The following HCN1 variants were observed in gnomAD, a reference collection of about 807,000 sequenced individuals.
HCN1 encodes potassium/sodium hyperpolarization-activated cyclic nucleotide-gated channel 1.
HCN1 carries 13 observed loss-of-function variants against 78.9 expected under a neutral mutation model. That is an observed-to-expected ratio of 0.16 (90% confidence interval 0.11 to 0.26). HCN1 has a LOEUF of 0.26. HCN1 is among the 10% of genes least tolerant of loss of function. HCN1 has a pLI of 1.00. For synonymous variants in HCN1, 552 were observed against 455.5 expected (o/e 1.21, Z -2.70); for missense variants, 810 against 1,154.3 (o/e 0.70, Z 4.32).
intron 2 of HCN1, among the ~76,000 whole-genome samples, chr5:45,509,791 A>G (rs1742375079): frequency 6.6e-6 from 1 of 152,142 alleles, no homozygotes; most frequent in Non-Finnish European, 1.5e-5. Context: ...AATATCATTG[A>G]AATACATTTT....
chr5:45,578,342 G>A (rs1217013001), intron 2 of HCN1, among the ~76,000 whole-genome samples: 2 of 151,900 alleles, frequency 1.3e-5, no homozygotes, highest in African/African-American at 4.8e-5. Context: ...AATATGAACT[G>A]GCATTAGATT....
At chr5:45,420,965 T>G (rs993569786) in intron 3 of HCN1, among the ~76,000 whole-genome samples, 12 of 152,184 alleles carry the variant, frequency 7.9e-5, no homozygotes, top group African/African-American at 2.9e-4. Context: ...CAAGAGAAAC[T>G]CCTGCACAAT....
intron 2 of HCN1, among the ~76,000 whole-genome samples, chr5:45,550,484 C>T (rs563329212): frequency 3.9e-5 from 6 of 152,022 alleles, no homozygotes; most frequent in Non-Finnish European, 2.9e-5. Context: ...CATCACACAC[C>T]GGTGCCTATT....
chr5:45,411,726 G>T (rs1444216325), intron 3 of HCN1, among the ~76,000 whole-genome samples: 1 of 152,048 alleles, frequency 6.6e-6, no homozygotes, highest in East Asian at 1.9e-4. Flanking sequence ...GAATGGAGAA[G>T]AAATGGGCAA....
intron 3 of HCN1, among the ~76,000 whole-genome samples, chr5:45,444,845 A>G (rs181935577): frequency 6.6e-5 from 10 of 152,056 alleles, no homozygotes; most frequent in Admixed American, 6.6e-4. Context: ...GTACATGTGC[A>G]CAATGTGCAG....
intron 4 of HCN1, among the ~76,000 whole-genome samples, chr5:45,371,952 A>G (rs1345509316): frequency 4.1e-5 from 4 of 97,520 alleles, no homozygotes; most frequent in African/African-American, 1.2e-4. Flanking sequence ...TATATAATAT[A>G]ATATAATTAT....
At chr5:45,505,270 A>AT (rs1406420985) in intron 2 of HCN1, among the ~76,000 whole-genome samples, 16 of 152,008 alleles carry the variant, frequency 1.1e-4, no homozygotes, top group Admixed American at 3.9e-4. Context: ...TCTTGAATTA[A>AT]TTTTTGTATA....
At chr5:45,499,367 AC>A (rs1742139136) in intron 2 of HCN1, among the ~76,000 whole-genome samples, 1 of 151,924 alleles carries the variant, frequency 6.6e-6, no homozygotes. Flanking sequence ...GCCCTCTGTC[AC>A]CCCTTTCTTT....
chr5:45,383,912 C>CA (rs1049167389), intron 4 of HCN1, among the ~76,000 whole-genome samples: 6 of 152,002 alleles, frequency 3.9e-5, no homozygotes, highest in African/African-American at 1.2e-4. Context: ...CTCTGCTCCA[C>CA]AAAAAACAAA....
Position 45,555,935 on chromosome 5 carries a change from G to A in HCN1, c.849+89250C>T, listed in dbSNP as rs150010350. 3.0e-3 allele frequency among the ~76,000 whole-genome samples: 448 copies of A among 151,800 alleles called. 3 individuals are homozygous for A. Among genetic ancestry groups the A allele is most frequent in the Non-Finnish European group, 4.8e-3 (327 of 67,786 alleles). On this transcript the variant is annotated intron_variant, in intron 2 of 7. Coordinates refer to ENST00000303230, the MANE Select transcript of HCN1 (RefSeq NM_021072.4). ...TACAGTGAACTCATTTTCAACAAAA[G>A]TGCCAAGACGATACACTAAGGAAAA... is the stretch of plus-strand genomic sequence containing the variant.
At chr5:45,476,445 C>T (rs745331249) in intron 2 of HCN1, among the ~76,000 whole-genome samples, 13 of 152,074 alleles carry the variant, frequency 8.5e-5, no homozygotes, top group Non-Finnish European at 1.3e-4. Context: ...GTTTAAGTAG[C>T]CCAAGAAAAC....
Position 45,650,726 on chromosome 5 carries a change from C to T in HCN1, c.426-5118G>A, listed in dbSNP as rs57675936. ...TAGGTTTCTAGAAGAGATAAAGTGG[C>T]GTTGTAAAGATTAGTCCATGATACT... On this transcript the variant is annotated intron_variant, in intron 1 of 7. Coordinates refer to ENST00000303230, the MANE Select transcript of HCN1 (RefSeq NM_021072.4). Among the ~76,000 whole-genome samples the T allele has an allele frequency of 8.8e-3, 1,329 of 151,864 alleles. 26 individuals are homozygous for T. The highest frequency in any genetic ancestry group is 0.031 in the African/African-American group (1,282 of 41,456).
intron 2 of HCN1, among the ~76,000 whole-genome samples, chr5:45,504,280 G>T (rs1742250134): frequency 6.6e-6 from 1 of 152,018 alleles, no homozygotes; most frequent in Non-Finnish European, 1.5e-5. Context: ...GCCCCGGTGT[G>T]TGATGTTCCC....
intron 1 of HCN1, among the ~76,000 whole-genome samples, chr5:45,694,244 AT>A (rs1204080959): frequency 6.6e-6 from 1 of 152,146 alleles, no homozygotes; most frequent in Non-Finnish European, 1.5e-5. Flanking sequence ...TATAAACGTC[AT>A]TAGGTTTTAT....
chr5:45,448,139 T>C (rs1672132296), intron 3 of HCN1, among the ~76,000 whole-genome samples: 1 of 152,124 alleles, frequency 6.6e-6, no homozygotes, highest in Non-Finnish European at 1.5e-5. Flanking sequence ...ACTTTGTAAA[T>C]TCATACATCA....
At chr5:45,321,483 A>C (rs1746124659) in intron 5 of HCN1, among the ~76,000 whole-genome samples, 1 of 151,882 alleles carries the variant, frequency 6.6e-6, no homozygotes, top group Non-Finnish European at 1.5e-5. Context: ...TATCTGGATA[A>C]AAGTCATGAA....
intron 5 of HCN1, among the ~76,000 whole-genome samples, chr5:45,339,697 T>A (rs1347503553): frequency 6.6e-6 from 1 of 152,102 alleles, no homozygotes; most frequent in Admixed American, 6.6e-5. Flanking sequence ...GGGAGAAAAG[T>A]TGTGACAGAT....
intron 2 of HCN1, among the ~76,000 whole-genome samples, chr5:45,544,282 A>T (rs1743163090): frequency 6.6e-6 from 1 of 152,130 alleles, no homozygotes; most frequent in Non-Finnish European, 1.5e-5. Flanking sequence ...TATCCTTAAG[A>T]AATAAAAACC....
chr5:45,402,182 C>T (rs1739827324), intron 3 of HCN1, among the ~76,000 whole-genome samples: 1 of 152,138 alleles, frequency 6.6e-6, no homozygotes, highest in Non-Finnish European at 1.5e-5. Context: ...TACCAGGCAA[C>T]ACAGTGATGA....
Sources: allele counts gnomAD v4.1 joint callset (sites outside exome capture counted in the v4.1 genomes callset), GRCh38; gene constraint gnomAD v4.1.1; transcripts MANE v1.5; gene names NCBI Gene and HGNC (gene_info 2026-07-23, HGNC 2026-07-21).